The following RABGAP1L variants were observed in gnomAD, a reference collection of about 807,000 sequenced individuals.
RABGAP1L encodes RAB GTPase activating protein 1 like.
A neutral mutation model predicts 137.7 loss-of-function variants in RABGAP1L; 63 were observed. The observed-to-expected ratio is 0.46, with a 90% CI of 0.37 to 0.56. The LOEUF is 0.56. Among genes scored for constraint, RABGAP1L ranks in the 20% least tolerant of loss-of-function variants. The pLI is 0.00. For missense variants in RABGAP1L, 1,095 were observed against 1,244.0 expected (o/e 0.88, Z 1.80); for synonymous variants, 431 against 433.7 (o/e 0.99, Z 0.08).
chr1:174,950,691 G>A (rs1362359145), intron 19 of RABGAP1L, among the ~76,000 whole-genome samples: 1 of 151,978 alleles, frequency 6.6e-6, no homozygotes, highest in African/African-American at 2.4e-5. Flanking sequence ...TTTTTTCTCT[G>A]TCCATTGATT....
At chr1:174,774,108 A>G (rs1686334102) in intron 18 of RABGAP1L, among the ~76,000 whole-genome samples, 1 of 152,032 alleles carries the variant, frequency 6.6e-6, no homozygotes, top group Admixed American at 6.6e-5. Flanking sequence ...TATTTAATAT[A>G]TTGTTTATGC....
intron 18 of RABGAP1L, among the ~76,000 whole-genome samples, chr1:174,767,180 T>C (rs149265339): frequency 1.1e-4 from 17 of 152,340 alleles, no homozygotes; most frequent in African/African-American, 3.4e-4. Context: ...TCCGACCACC[T>C]TGGGCACATG....
At chr1:174,475,798 A>AAAAAG (rs1558266035) in intron 13 of RABGAP1L, among the ~76,000 whole-genome samples, 2 of 143,306 alleles carry the variant, frequency 1.4e-5, no homozygotes, top group Non-Finnish European at 1.5e-5. Context: ...AAAAAAAAAA[A>AAAAAG]GGTCAGATCT....
At chr1:174,169,320 A>G (rs536231463) in intron 1 of RABGAP1L, among the ~76,000 whole-genome samples, 2 of 151,658 alleles carry the variant, frequency 1.3e-5, no homozygotes, top group Admixed American at 1.3e-4. Context: ...TCTGCCTCCC[A>G]GGTTCAAGCA....
At chr1:174,568,883 CAGTT>C (rs999483444) in intron 13 of RABGAP1L, among the ~76,000 whole-genome samples, 52 of 152,138 alleles carry the variant, frequency 3.4e-4, no homozygotes, top group African/African-American at 1.2e-3. Context: ...CAATTTTTAA[CAGTT>C]AGAAGGAAAT....
At chr1:174,312,214 G>A (rs878895473) in intron 11 of RABGAP1L, among the ~76,000 whole-genome samples, 1 of 152,172 alleles carries the variant, frequency 6.6e-6, no homozygotes, top group Non-Finnish European at 1.5e-5. Context: ...TCCACCAACA[G>A]TGTACAAGGG....
chr1:174,898,178 A>G (rs1657557586), intron 19 of RABGAP1L, among the ~76,000 whole-genome samples: 1 of 152,132 alleles, frequency 6.6e-6, no homozygotes, highest in South Asian at 2.1e-4. Flanking sequence ...TCTTAATAGC[A>G]CTAATACAGA....
At chr1:174,195,839 C>CTTCT (rs1553251595) in intron 1 of RABGAP1L, among the ~76,000 whole-genome samples, 17 of 91,876 alleles carry the variant, frequency 1.9e-4, no homozygotes, top group Non-Finnish European at 3.4e-4. Context: ...CCTTCTTCTT[C>CTTCT]TTTTTTTTTT....
chr1:174,990,285 A>G lies in RABGAP1L; in HGVS notation c.*284A>G, dbSNP rs888442746. ...CCTGATGTTTAGTTGGAAATAAGTA[A>G]TTCAGAACTAAATGCTTTTTTATTT... On this transcript the variant is annotated 3_prime_UTR_variant, in exon 26 of 26. Coordinates refer to ENST00000681986, the MANE Select transcript of RABGAP1L (RefSeq NM_001366446.1). 2.2e-5 allele frequency: 6 copies of G among 278,932 alleles called. No homozygotes were observed. The highest frequency in any genetic ancestry group is 6.5e-5 in the African/African-American group (3 of 45,858). 17.3% of individuals were successfully genotyped at this position (278,932 alleles called of 1,614,324 possible).
chr1:174,322,998 G>A (rs532848494), intron 11 of RABGAP1L, among the ~76,000 whole-genome samples: 6 of 152,148 alleles, frequency 3.9e-5, no homozygotes, highest in South Asian at 2.1e-4. Flanking sequence ...TGAAAAATAC[G>A]TGTAACTAGA....
intron 1 of RABGAP1L, among the ~76,000 whole-genome samples, chr1:174,191,970 A>G (rs1667242318): frequency 6.6e-6 from 1 of 152,326 alleles, no homozygotes; most frequent in South Asian, 2.1e-4. Context: ...CATTTATACT[A>G]GAGTCTGCTT....
intron 13 of RABGAP1L, among the ~76,000 whole-genome samples, chr1:174,635,990 A>G (rs1360760578): frequency 6.6e-6 from 1 of 152,210 alleles, no homozygotes; most frequent in Non-Finnish European, 1.5e-5. Flanking sequence ...CTTTATGGAA[A>G]TAAGACATTA....
chr1:174,281,414 T>C (rs1445832270), intron 10 of RABGAP1L, among the ~76,000 whole-genome samples: 1 of 152,200 alleles, frequency 6.6e-6, no homozygotes, highest in African/African-American at 2.4e-5. Flanking sequence ...GGTGCGTTTT[T>C]ACAGAGTGCT....
chr1:174,872,673 T>C (rs780683007), intron 19 of RABGAP1L, among the ~76,000 whole-genome samples: 2 of 152,032 alleles, frequency 1.3e-5, no homozygotes, highest in Non-Finnish European at 2.9e-5. Flanking sequence ...CGCAAATAGC[T>C]GAGACTACAG....
chr1:174,930,013 A>ATT (rs769683894), intron 19 of RABGAP1L, among the ~76,000 whole-genome samples: 2 of 132,968 alleles, frequency 1.5e-5, no homozygotes, highest in Non-Finnish European at 3.3e-5. Context: ...ACCATGCCAG[A>ATT]TTTTTTTTTT....
chr1:174,375,605 T>C (rs1685455901), intron 12 of RABGAP1L, among the ~76,000 whole-genome samples: 1 of 152,088 alleles, frequency 6.6e-6, no homozygotes, highest in Admixed American at 6.6e-5. Context: ...ATTTAGAAGC[T>C]TAGGTGAAAT....
At chr1:174,588,398 C>T (rs1669291440) in intron 13 of RABGAP1L, among the ~76,000 whole-genome samples, 1 of 152,096 alleles carries the variant, frequency 6.6e-6, no homozygotes, top group African/African-American at 2.4e-5. Context: ...CTCCTGACCT[C>T]AGGTGATCCG....
intron 14 of RABGAP1L, among the ~76,000 whole-genome samples, chr1:174,652,296 T>G (rs114911588): frequency 0.022 from 3,378 of 152,200 alleles, 56 homozygotes; most frequent in Middle Eastern, 0.085. Flanking sequence ...ACTGTGGTCA[T>G]TCTGACAATT....
At chr1:174,606,513 G>C (rs544514711) in intron 13 of RABGAP1L, among the ~76,000 whole-genome samples, 3 of 152,164 alleles carry the variant, frequency 2.0e-5, no homozygotes, top group Non-Finnish European at 4.4e-5. Context: ...ACGTTAATTG[G>C]TTGGTCTTTA....
Sources: gnomAD v4.1 joint callset for allele counts (sites outside exome capture counted in the v4.1 genomes callset) on GRCh38, gnomAD v4.1.1 for gene constraint, MANE v1.5 for transcripts, NCBI Gene and HGNC (gene_info 2026-07-23, HGNC 2026-07-21) for gene names.